Variants in ELF5 observed in about 807,000 individuals in gnomAD.
ELF5 encodes the protein ETS-related transcription factor Elf-5.
ELF5 carries 31 observed loss-of-function variants against 38.2 expected under a neutral mutation model. The observed-to-expected ratio is 0.81, with a 90% CI of 0.61 to 1.10. The LOEUF (loss-of-function observed/expected upper bound fraction) is 1.10, where lower values mean the gene tolerates loss of function less well. ELF5 is among the 50% of genes least tolerant of loss of function. The probability of loss-of-function intolerance (pLI) is 0.00; values close to 1 mark genes in which losing one functional copy is unlikely to be tolerated. For missense variants in ELF5, 300 were observed against 306.6 expected, an observed-to-expected ratio of 0.98 and a Z score of 0.16; for synonymous variants, 121 against 112.5, an observed-to-expected ratio of 1.08 and a Z score of -0.48.
rs2133885624 is a variant in ELF5, at chr11:34,493,639, G to A, written c.195C>T (p.Phe65=). Residue 65 remains phenylalanine, a synonymous_variant, in exon 3 of 7, where the codon TTC becomes TTT. Transcript: ENST00000257832. ...TKRHVWEWLQ[F]CCDQYKLDTN... is the part of the protein sequence containing the mutation. ...TGTCCAACTTGTACTGGTCGCAGCA[G>A]AACTGGAGCCACTCCCACACATGGC... 1 of 1,614,214 alleles carries A rather than the reference G, an allele frequency of 6.2e-7. No individual in the cohort carries two copies. The highest frequency in any genetic ancestry group is 8.5e-7 in the Non-Finnish European group (1 of 1,180,048).
rs73438735 is a variant in ELF5, at chr11:34,496,766, G to A, written c.122-3054C>T. On this transcript the variant is annotated intron_variant, in intron 2 of 6. Coordinates refer to ENST00000257832, the MANE Select transcript of ELF5 (RefSeq NM_001422.4). ...AGTGAGTGTGACTGACTGACCAGGT[G>A]ACTGACAGTCACTCTCTCCACTTTA... Among the ~76,000 whole-genome samples, 475 of 152,310 alleles carry A rather than the reference G, an allele frequency of 3.1e-3. 2 individuals are homozygous for A. The highest frequency in any genetic ancestry group is 0.011 in the African/African-American group (440 of 41,570).
chr11:34,503,654 G>GCCCAGGC (rs1850532595), intron 2 of ELF5, among the ~76,000 whole-genome samples: 2 of 152,124 alleles, frequency 1.3e-5, no homozygotes, highest in African/African-American at 4.8e-5. Flanking sequence ...GTCTCACTAT[G>GCCCAGGC]TTGCCCAGGC....
intron 4 of ELF5, among the ~76,000 whole-genome samples, chr11:34,487,764 T>A (rs1478818945): frequency 6.6e-6 from 1 of 152,084 alleles, no homozygotes; most frequent in Non-Finnish European, 1.5e-5. Context: ...CTCAGTAGAA[T>A]CTGAGCGGTT....
At chr11:34,485,628 T>G (rs1186770948) in intron 4 of ELF5, among the ~76,000 whole-genome samples, 1 of 151,860 alleles carries the variant, frequency 6.6e-6, no homozygotes, top group Non-Finnish European at 1.5e-5. Flanking sequence ...ATGAGAGGGG[T>G]TTATGAGGCT....
In ELF5 at chr11:34,482,514, T is replaced by A. The variant is rs1460804175; in HGVS notation, c.407-15A>T. The A allele has an allele frequency of 6.2e-7, 1 of 1,607,506 alleles. No homozygotes were observed. On this transcript the variant is annotated splice_polypyrimidine_tract_variant and intron_variant, in intron 4 of 6. Coordinates refer to ENST00000257832, the MANE Select transcript of ELF5 (RefSeq NM_001422.4). ...GGAATCAGCATCTGAAATAGAATAA[T>A]TTATAGCAGTGGAAAGGGATATAGA...
chr11:34,479,476 G>A lies in ELF5; in HGVS notation c.*742C>T, dbSNP rs1158923916. On this transcript the variant is annotated 3_prime_UTR_variant, in exon 7 of 7. Coordinates refer to ENST00000257832, the MANE Select transcript of ELF5 (RefSeq NM_001422.4). ...GGAAGTTTTGCTGAGTGGTCAAAAA[G>A]ATGCTCTGGTTAGGAAACTTTCTGT... 1 of 152,202 alleles carries A rather than the reference G, an allele frequency of 6.6e-6. No homozygotes were observed. Among genetic ancestry groups the A allele is most frequent in the Non-Finnish European group, 1.5e-5 (1 of 68,034 alleles). The allele number at this position is 152,202 out of a possible 1,614,324, so 9.4% of individuals were successfully genotyped here.
intron 2 of ELF5, among the ~76,000 whole-genome samples, chr11:34,495,795 G>A (rs1297071836): frequency 3.9e-5 from 6 of 152,222 alleles, no homozygotes; most frequent in African/African-American, 7.2e-5. Flanking sequence ...TACCAGGCCC[G>A]TGGGGGCTCT....
chr11:34,483,535 T>C (rs1382674846), intron 4 of ELF5, among the ~76,000 whole-genome samples: 1 of 151,940 alleles, frequency 6.6e-6, no homozygotes, highest in Admixed American at 6.6e-5. Flanking sequence ...TACTGTACTA[T>C]GCTAACTATA....
chr11:34,507,918 C>G (rs780195909), intron 1 of ELF5, among the ~76,000 whole-genome samples: 1 of 152,034 alleles, frequency 6.6e-6, no homozygotes, highest in Non-Finnish European at 1.5e-5. Flanking sequence ...CATTTGCCTA[C>G]GACTGTGATA....
chr11:34,490,675 G>T (rs1220534627), intron 3 of ELF5, among the ~76,000 whole-genome samples: 1 of 152,142 alleles, frequency 6.6e-6, no homozygotes, highest in African/African-American at 2.4e-5. Context: ...GGGGTGGGCT[G>T]GGGTTGAATG....
At position 34,480,715 on chromosome 11, in the gene ELF5, C is replaced by T. The variant is rs1178056283; in HGVS notation, c.671+57G>A. ...CAAAAACAGTGTAATTTTCTACAGC[C>T]AGCCATTGTATATAACTCTTCTTGA... On this transcript the variant is annotated intron_variant, in intron 6 of 6. Coordinates refer to ENST00000257832, the MANE Select transcript of ELF5 (RefSeq NM_001422.4). The T allele has an allele frequency of 3.9e-6, 6 of 1,551,818 alleles. No homozygotes were observed. In the African/African-American group the frequency reaches 4.2e-5, roughly 11 times the overall value.
At chr11:34,511,887 CCAATT>C in intron 1 of ELF5, 7 of 384,224 alleles carry the variant, frequency 1.8e-5, no homozygotes, top group South Asian at 1.5e-4. Flanking sequence ...AAAAATTGGC[CCAATT>C]AAGCATCTAC....
intron 4 of ELF5, among the ~76,000 whole-genome samples, chr11:34,485,171 G>C (rs1313302020): frequency 6.9e-6 from 1 of 144,206 alleles, no homozygotes; most frequent in Non-Finnish European, 1.6e-5. Flanking sequence ...ATTGAGGAGG[G>C]ATTGGAAGTC....
chr11:34,486,000 C>T (rs546751494), intron 4 of ELF5, among the ~76,000 whole-genome samples: 2 of 152,268 alleles, frequency 1.3e-5, no homozygotes, highest in East Asian at 3.9e-4. Context: ...TCTCTGCAGT[C>T]TGTGGGATTT....
intron 2 of ELF5, among the ~76,000 whole-genome samples, chr11:34,495,694 C>T (rs1564980527): frequency 6.6e-6 from 1 of 152,216 alleles, no homozygotes; most frequent in African/African-American, 2.4e-5. Flanking sequence ...AGGCTGATGT[C>T]GTAGCCTCTA....
At chr11:34,492,902 T>A (rs879497499) in intron 3 of ELF5, 4 of 164,418 alleles carry the variant, frequency 2.4e-5, no homozygotes, top group Non-Finnish European at 5.4e-5. Flanking sequence ...TATCTATGTG[T>A]GACTTTGAGA....
At position 34,495,376 on chromosome 11, in the gene ELF5, C is replaced by G. The variant is rs113415430; in HGVS notation, c.122-1664G>C. Among the ~76,000 whole-genome samples, 19 of 152,268 alleles carry G rather than the reference C, an allele frequency of 1.2e-4. 2 individuals carry two copies. Among genetic ancestry groups the G allele is most frequent in the African/African-American group, 4.6e-4 (19 of 41,560 alleles). On this transcript the variant is annotated intron_variant, in intron 2 of 6. Transcript: ENST00000257832. ...GCACCATTGTCAGTTGCTGATGATT[C>G]CAGGCAGGAGGTGGGTCCTCTGCCT...
chr11:34,491,629 G>A (rs1303772353), intron 3 of ELF5: 1 of 149,180 alleles, frequency 6.7e-6, no homozygotes, highest in Non-Finnish European at 1.5e-5. Context: ...AGGCTGGAGT[G>A]CAATGGTGCA....
At chr11:34,507,466 C>T (rs1302671176) in intron 1 of ELF5, among the ~76,000 whole-genome samples, 3 of 152,196 alleles carry the variant, frequency 2.0e-5, no homozygotes, top group African/African-American at 7.2e-5. Context: ...TTTAAAAAGC[C>T]CATTCTAATT....
Sources: allele counts gnomAD v4.1 joint callset (sites outside exome capture counted in the v4.1 genomes callset), GRCh38; gene constraint gnomAD v4.1.1; transcripts MANE v1.5; gene names NCBI Gene and HGNC (gene_info 2026-07-23, HGNC 2026-07-21).